MTRF1: variants seen among roughly 807,000 people sequenced by gnomAD.
The protein encoded by MTRF1 is peptide chain release factor 1, mitochondrial.
Under a neutral mutation model 62.9 loss-of-function variants are expected in MTRF1, and 51 were observed. The observed-to-expected ratio is 0.81, with a 90% CI of 0.65 to 1.02. The LOEUF (loss-of-function observed/expected upper bound fraction) is 1.02. Ranked by LOEUF, MTRF1 falls within the 50% of genes least tolerant of loss-of-function variation. MTRF1 has a pLI of 0.00. For missense variants in MTRF1, 446 were observed against 530.0 expected (o/e 0.84, Z 1.56); for synonymous variants, 158 against 181.9 (o/e 0.87, Z 1.06).
intron 8 of MTRF1, among the ~76,000 whole-genome samples, chr13:41,223,794 C>T (rs75244702): frequency 0.02 from 3,052 of 152,256 alleles, 114 homozygotes; most frequent in African/African-American, 0.069. Context: ...TCCCATTCTC[C>T]AACTGCCCAT....
chr13:41,284,277 G>T, the MTRF1 span, among the ~76,000 whole-genome samples: 2 of 150,960 alleles, frequency 1.3e-5, no homozygotes, highest in Non-Finnish European at 2.9e-5. Flanking sequence ...CCTGAGGTCA[G>T]GAGTTTGAGA....
At chr13:41,309,642 T>C in the MTRF1 span, among the ~76,000 whole-genome samples, 1 of 151,860 alleles carries the variant, frequency 6.6e-6, no homozygotes, top group Non-Finnish European at 1.5e-5. Context: ...CGTAGGAGAT[T>C]GAAAGAAAAA....
chr13:41,230,563 C>CTTT (rs74788525), intron 7 of MTRF1, among the ~76,000 whole-genome samples: 84 of 131,398 alleles, frequency 6.4e-4, no homozygotes, highest in Admixed American at 2.4e-3. Flanking sequence ...TGCACCGGGC[C>CTTT]TTTTTTTTTT....
chr13:41,292,316 G>A, the MTRF1 span, among the ~76,000 whole-genome samples: 2 of 152,170 alleles, frequency 1.3e-5, no homozygotes, highest in African/African-American at 4.8e-5. Context: ...TGGGCATGGT[G>A]GCTCACGCTT....
chr13:41,310,875 C>T, the MTRF1 span, among the ~76,000 whole-genome samples: 3 of 152,224 alleles, frequency 2.0e-5, no homozygotes, highest in African/African-American at 7.2e-5. Context: ...AGAGTCATAA[C>T]TAACATTATC....
rs1214223749 is a variant in MTRF1 at position 41,260,216 on chromosome 13, A to T, written c.415+277T>A. 2.0e-5 allele frequency among the ~76,000 whole-genome samples: 3 copies of T among 152,104 alleles called. No homozygotes were observed. In the South Asian group the frequency reaches 6.2e-4, roughly 32 times the overall value. On this transcript the variant is annotated intron_variant, in intron 2 of 9. Coordinates refer to ENST00000379480, the MANE Select transcript of MTRF1 (RefSeq NM_004294.4). Reference sequence around the variant, plus strand: ...CCTCAGTGGCTCGGTGGCTATAATCATATCGCTTTGGAAAGCCCTGGCACA... The same window carrying T: ...CCTCAGTGGCTCGGTGGCTATAATCTTATCGCTTTGGAAAGCCCTGGCACA...
chr13:41,292,701 T>A, the MTRF1 span, among the ~76,000 whole-genome samples: 1 of 151,992 alleles, frequency 6.6e-6, no homozygotes, highest in African/African-American at 2.4e-5. Flanking sequence ...ATGAGGATCA[T>A]TTGAGGCAGG....
chr13:41,272,864 G>T, the MTRF1 span, among the ~76,000 whole-genome samples: 7 of 152,226 alleles, frequency 4.6e-5, no homozygotes, highest in South Asian at 1.4e-3. Context: ...GCGGGGGCAG[G>T]GGGTGGGTAG....
At chr13:41,236,099 GT>G (rs1566098413) in intron 6 of MTRF1, 1 of 132,642 alleles carries the variant, frequency 7.5e-6, no homozygotes, top group Non-Finnish European at 1.6e-5. Context: ...TTTTTGTTTT[GT>G]TTTGTTTTTG....
At chr13:41,262,979 A>G (rs1260975734) in intron 1 of MTRF1, among the ~76,000 whole-genome samples, 2 of 152,228 alleles carry the variant, frequency 1.3e-5, no homozygotes, top group Non-Finnish European at 2.9e-5. Flanking sequence ...AGTTCTACTG[A>G]TAGATTTTAG....
chr13:41,306,428 G>A, the MTRF1 span, among the ~76,000 whole-genome samples: 2 of 152,010 alleles, frequency 1.3e-5, no homozygotes, highest in Non-Finnish European at 2.9e-5. Context: ...ACATGGAAGA[G>A]AGCAGAAACA....
chr13:41,287,488 G>C, the MTRF1 span, among the ~76,000 whole-genome samples: 1 of 152,148 alleles, frequency 6.6e-6, no homozygotes, highest in Admixed American at 6.5e-5. Flanking sequence ...CATATCAAAC[G>C]ATATTAAGGG....
rs2037307160 is a variant in MTRF1 at position 41,240,272 on chromosome 13, G to A, written c.859C>T (p.Gln287Ter). The A allele has an allele frequency of 1.9e-6, 3 of 1,607,868 alleles. No individual in the cohort carries two copies. Among genetic ancestry groups the A allele is most frequent in the East Asian group, 2.2e-5 (1 of 44,554 alleles). Residue 287 changes from glutamine to a stop codon, truncating the protein, a stop_gained, in exon 6 of 10, where the codon CAG becomes TAG. Transcript: ENST00000379480. LOFTEE classifies it high-confidence loss of function. The stretch of plus-strand genomic sequence containing the variant: ...CCTCCTGAGGTTACCTCATCTGGCT[G>A]AGGAAGGACAATAACCGACATCGTT... ...TGTMSVIVLP[Q>*]PDEVDVKLDP... is the part of the protein sequence containing the mutation.
intron 5 of MTRF1, 94 bp from the exon 6 acceptor site, chr13:41,240,527 A>G: frequency 8.5e-7 from 1 of 1,175,720 alleles, no homozygotes; most frequent in Non-Finnish European, 1.2e-6. Flanking sequence ...AATGTTGAGT[A>G]CAGAGCCTAA....
chr13:41,273,122 C>G, the MTRF1 span, among the ~76,000 whole-genome samples: 5,866 of 151,794 alleles, frequency 0.039, 395 homozygotes, highest in African/African-American at 0.13. Context: ...GTCAGGAGAT[C>G]GAGACCATCC....
chr13:41,288,847 A>G, the MTRF1 span, among the ~76,000 whole-genome samples: 2 of 152,206 alleles, frequency 1.3e-5, no homozygotes, highest in Non-Finnish European at 2.9e-5. Flanking sequence ...CGCAGTGTCA[A>G]TAATGCATTT....
chr13:41,265,647 G>C (rs1396899210), upstream of MTRF1, among the ~76,000 whole-genome samples: 1 of 140,998 alleles, frequency 7.1e-6, no homozygotes, highest in Non-Finnish European at 1.6e-5. Context: ...AAAGGCACCA[G>C]AGATCTTGCT....
At chr13:41,236,018 C>T (rs1203728242) in intron 6 of MTRF1, 1 of 146,636 alleles carries the variant, frequency 6.8e-6, no homozygotes. Flanking sequence ...AGTTTGGAAA[C>T]TTATACACAG....
chr13:41,311,479 C>T, the MTRF1 span: 3 of 1,551,154 alleles, frequency 1.9e-6, no homozygotes, highest in Non-Finnish European at 2.6e-6. Context: ...AAGCGGAGCG[C>T]CCGGGCACCT....
Sources: allele counts gnomAD v4.1 joint callset (sites outside exome capture counted in the v4.1 genomes callset), GRCh38; gene constraint gnomAD v4.1.1; transcripts MANE v1.5; gene names NCBI Gene and HGNC (gene_info 2026-07-23, HGNC 2026-07-21).